Variants in THSD7A observed in about 807,000 individuals in gnomAD.
THSD7A encodes the protein thrombospondin type-1 domain-containing protein 7A.
In THSD7A, 96 loss-of-function variants were observed where a neutral mutation model predicts 231.3. That is an observed-to-expected ratio of 0.41 (90% confidence interval 0.35 to 0.49). The LOEUF (loss-of-function observed/expected upper bound fraction) is 0.49. THSD7A is among the 20% of genes least tolerant of loss of function. The pLI is 0.05. For synonymous variants in THSD7A, 940 were observed against 743.3 expected (o/e 1.26, Z -4.30); for missense variants, 2,290 against 2,070.2 (o/e 1.11, Z -2.06).
At chr7:11,398,405 G>C (rs1002707658) in intron 23 of THSD7A, among the ~76,000 whole-genome samples, 7 of 152,034 alleles carry the variant, frequency 4.6e-5, no homozygotes, top group Admixed American at 4.6e-4. Flanking sequence ...GGCTAGGGGA[G>C]GGATAGCATT....
At chr7:11,742,793 A>G (rs543984374) in intron 1 of THSD7A, among the ~76,000 whole-genome samples, 1 of 151,928 alleles carries the variant, frequency 6.6e-6, no homozygotes, top group Non-Finnish European at 1.5e-5. Context: ...GAAGCCATTC[A>G]TTCAAAGGTG....
intron 13 of THSD7A, among the ~76,000 whole-genome samples, chr7:11,431,511 C>A (rs975966613): frequency 1.3e-5 from 2 of 152,086 alleles, no homozygotes; most frequent in Admixed American, 1.3e-4. Flanking sequence ...CACAGTGTAA[C>A]GATTTATTTT....
chr7:11,443,669 G>A (rs1411573811), intron 13 of THSD7A, among the ~76,000 whole-genome samples: 1 of 151,770 alleles, frequency 6.6e-6, no homozygotes, highest in African/African-American at 2.4e-5. Context: ...AAAAGGATCT[G>A]GAGATTGATT....
chr7:11,443,265 C>T lies in THSD7A; in HGVS notation c.3064+2796G>A, dbSNP rs573943750. On this transcript the variant is annotated intron_variant, in intron 13 of 27. Coordinates refer to ENST00000423059, the MANE Select transcript of THSD7A (RefSeq NM_015204.3). ...TGAGCAAACACTTATGTGCTGCATTCCAAAATAAACACATCTTTTAAGTGA... is the reference window on the plus strand; with the variant it reads ...TGAGCAAACACTTATGTGCTGCATTTCAAAATAAACACATCTTTTAAGTGA... Among the ~76,000 whole-genome samples, 5 of 152,020 alleles carry T rather than the reference C, an allele frequency of 3.3e-5. No homozygotes were observed. The East Asian group carries it at 9.7e-4, about 29-fold the overall frequency.
chr7:11,499,118 G>C (rs920979163), intron 6 of THSD7A, among the ~76,000 whole-genome samples: 27 of 152,168 alleles, frequency 1.8e-4, no homozygotes, highest in Admixed American at 7.2e-4. Flanking sequence ...AAGACCCTAA[G>C]GGCCTTATCC....
chr7:11,435,343 T>TC (rs1407705761), intron 13 of THSD7A, among the ~76,000 whole-genome samples: 1 of 152,108 alleles, frequency 6.6e-6, no homozygotes, highest in Non-Finnish European at 1.5e-5. Flanking sequence ...CATGGTGGGC[T>TC]CCTCAGACTA....
chr7:11,797,716 G>C (rs1784167414), intron 1 of THSD7A, among the ~76,000 whole-genome samples: 2 of 151,988 alleles, frequency 1.3e-5, no homozygotes, highest in Non-Finnish European at 2.9e-5. Context: ...ACTGTGCCCA[G>C]TCTTGATTTT....
intron 1 of THSD7A, among the ~76,000 whole-genome samples, chr7:11,655,291 C>T (rs1400664963): frequency 6.6e-6 from 1 of 151,874 alleles, no homozygotes; most frequent in African/African-American, 2.4e-5. Context: ...TGCTGTAACA[C>T]AGTCTTTCTG....
intron 1 of THSD7A, among the ~76,000 whole-genome samples, chr7:11,715,018 C>A (rs913177711): frequency 6.6e-6 from 1 of 151,358 alleles, no homozygotes; most frequent in Non-Finnish European, 1.5e-5. Context: ...TTCTCTCCTT[C>A]TTTATAGCGA....
chr7:11,431,348 A>G (rs1430458678), intron 13 of THSD7A, among the ~76,000 whole-genome samples: 1 of 152,080 alleles, frequency 6.6e-6, no homozygotes, highest in Non-Finnish European at 1.5e-5. Context: ...ATTTAGGTGT[A>G]TGTTTCATTT....
In THSD7A at chr7:11,632,692, G is replaced by T. The variant is rs187175488; in HGVS notation, c.1022+3438C>A. 2.9e-4 allele frequency among the ~76,000 whole-genome samples: 44 copies of T among 152,084 alleles called. No homozygotes were observed. Among genetic ancestry groups the T allele is most frequent in the African/African-American group, 9.2e-4 (38 of 41,502 alleles). On this transcript the variant is annotated intron_variant, in intron 2 of 27. Transcript: ENST00000423059. This position sits in a 1 kb window ranked among gnomAD's most constrained non-coding sequence, Gnocchi z 4.1. ...TTCTAATGTTTCACAGTTGAGCACC[G>T]TCCCAGCTTTCAGTCTGATGTCTCT... is the stretch of plus-strand genomic sequence containing the variant.
chr7:11,556,296 T>A (rs369279670), intron 4 of THSD7A, among the ~76,000 whole-genome samples: 9 of 150,684 alleles, frequency 6.0e-5, no homozygotes, highest in East Asian at 3.9e-4. Context: ...TATGTGTATA[T>A]GTGTATATAT....
At chr7:11,443,505 C>G (rs1180388011) in intron 13 of THSD7A, among the ~76,000 whole-genome samples, 1 of 151,862 alleles carries the variant, frequency 6.6e-6, no homozygotes, top group Non-Finnish European at 1.5e-5. Flanking sequence ...GTTCTCAAGG[C>G]ATGTAATAAT....
chr7:11,590,519 T>A lies in THSD7A; in HGVS notation c.1394A>T (p.Tyr465Phe), dbSNP rs1780114465. 9 of 1,613,926 alleles carry A rather than the reference T, an allele frequency of 5.6e-6. No individual in the cohort carries two copies. The highest frequency in any genetic ancestry group is 7.6e-6 in the Non-Finnish European group (9 of 1,179,844). Residue 465 changes from tyrosine to phenylalanine, a missense_variant, in exon 4 of 28, where the codon TAC (tyrosine) becomes TTC (phenylalanine). Physicochemically the swap from Tyr to Phe is conservative, Grantham distance 22 (BLOSUM62 3). Transcript: ENST00000423059. The surrounding 1 kb of genome is among the most constrained non-coding windows in gnomAD (Gnocchi z 4.4). ...GAGGTTTTCGTTGGCCTGCACGCAGTACACCTCTCGGGTCTGGATGCCCCC... is the reference window on the plus strand; with the variant it reads ...GAGGTTTTCGTTGGCCTGCACGCAGAACACCTCTCGGGTCTGGATGCCCCC... ...CGGGIQTREV[Y>F]CVQANENLLS... is the part of the protein sequence containing the mutation.
At chr7:11,674,796 G>A (rs919909744) in intron 1 of THSD7A, among the ~76,000 whole-genome samples, 2 of 152,156 alleles carry the variant, frequency 1.3e-5, no homozygotes, top group African/African-American at 4.8e-5. Flanking sequence ...TAGAACCCTA[G>A]CAATGGATTC....
At position 11,444,855 on chromosome 7, in the gene THSD7A, T is replaced by C. The variant is rs890177064; in HGVS notation, c.3064+1206A>G. On this transcript the variant is annotated intron_variant, in intron 13 of 27. Transcript: ENST00000423059. This position sits in a 1 kb window ranked among gnomAD's most constrained non-coding sequence, Gnocchi z 4.2. ...ACTATATATATAATTAAACTATATA[T>C]ATAAAACTATCATTATATATAACTA... Among the ~76,000 whole-genome samples the C allele has an allele frequency of 1.1e-4, 16 of 147,712 alleles. No homozygotes were observed. The highest frequency in any genetic ancestry group is 1.8e-4 in the Non-Finnish European group (12 of 67,142).
In THSD7A at chr7:11,821,212, G is replaced by T; in HGVS notation, c.190+10545C>A. ...ATGCTCTTTAACATGGTGAACAATG[G>T]TCACTATATGTTGGGCTAACAGTTC... On this transcript the variant is annotated intron_variant, in intron 1 of 27. Coordinates refer to ENST00000423059, the MANE Select transcript of THSD7A (RefSeq NM_015204.3). 2.5e-6 allele frequency: 3 copies of T among 1,181,282 alleles called. No homozygotes were observed. In the South Asian group the frequency reaches 3.7e-5, roughly 14 times the overall value. 73.2% of individuals were successfully genotyped at this position (1,181,282 alleles called of 1,614,324 possible).
chr7:11,672,367 T>TA (rs11475113), intron 1 of THSD7A, among the ~76,000 whole-genome samples: 1 of 151,868 alleles, frequency 6.6e-6, no homozygotes, highest in Non-Finnish European at 1.5e-5. Flanking sequence ...TTTACTGCAT[T>TA]AAAAAATTGT....
chr7:11,657,857 G>C (rs1037433890), intron 1 of THSD7A, among the ~76,000 whole-genome samples: 3 of 151,790 alleles, frequency 2.0e-5, no homozygotes, highest in Non-Finnish European at 4.4e-5. Context: ...ATGAGCAGAA[G>C]GTAGCTGTTT....
Sources: allele counts gnomAD v4.1 joint callset (sites outside exome capture counted in the v4.1 genomes callset), GRCh38; gene constraint gnomAD v4.1.1; non-coding constraint Gnocchi (gnomAD v3.1); transcripts MANE v1.5; gene names NCBI Gene and HGNC (gene_info 2026-07-23, HGNC 2026-07-21).